The following PARP8 variants were observed in gnomAD, a reference collection of about 807,000 sequenced individuals.
PARP8 encodes protein mono-ADP-ribosyltransferase PARP8.
In PARP8, 51 loss-of-function variants were observed where a neutral mutation model predicts 124.1. The observed-to-expected ratio is 0.41, with a 90% CI of 0.33 to 0.52. The LOEUF (loss-of-function observed/expected upper bound fraction) is 0.52. PARP8 is among the 20% of genes least tolerant of loss of function. PARP8 has a pLI of 0.21. For missense variants in PARP8, 860 were observed against 1,018.9 expected (o/e 0.84, Z 2.12); for synonymous variants, 391 against 361.5 (o/e 1.08, Z -0.93).
chr5:50,788,606 G>A lies in PARP8; in HGVS notation c.737+17G>A, dbSNP rs1477488871. 2 of 1,598,082 alleles carry A rather than the reference G, an allele frequency of 1.3e-6. No individual in the cohort carries two copies. Among genetic ancestry groups the A allele is most frequent in the East Asian group, 2.2e-5 (1 of 44,658 alleles). The stretch of plus-strand genomic sequence containing the variant: ...GCTGAAAAAGTAAGTTTGCTAAAGT[G>A]CAAAAAATAAATTTCTGCTAAAGAG... On this transcript the variant is annotated intron_variant, in intron 10 of 25. Transcript: ENST00000281631.
At chr5:50,776,322 C>A (rs1191255881) in intron 7 of PARP8, among the ~76,000 whole-genome samples, 2 of 152,210 alleles carry the variant, frequency 1.3e-5, no homozygotes, top group East Asian at 1.9e-4. Context: ...GCATCTGGTT[C>A]ATCAGGAATA....
chr5:50,688,767 A>G (rs1302929995), intron 2 of PARP8, among the ~76,000 whole-genome samples: 3 of 152,204 alleles, frequency 2.0e-5, no homozygotes, highest in Admixed American at 6.5e-5. Context: ...TTCTTTACTG[A>G]AAGAAAACCT....
Position 50,778,046 on chromosome 5 carries a change from A to C in PARP8, c.519-23A>C, listed in dbSNP as rs771245671. On this transcript the variant is annotated intron_variant, in intron 7 of 25. Transcript: ENST00000281631. ...TTTAAGCATCATTAAAATGAAAAAA[A>C]CAGTGTTAATTTTTGCTTTCAGGGA... The C allele has an allele frequency of 1.9e-6, 3 of 1,572,800 alleles. No individual in the cohort carries two copies. In the African/African-American group the frequency reaches 4.1e-5, roughly 21 times the overall value.
intron 9 of PARP8, among the ~76,000 whole-genome samples, chr5:50,783,987 T>C (rs1006221548): frequency 6.6e-6 from 1 of 152,214 alleles, no homozygotes; most frequent in Non-Finnish European, 1.5e-5. Context: ...TTACAAAAAG[T>C]TGATATTTTA....
intron 2 of PARP8, among the ~76,000 whole-genome samples, chr5:50,676,584 A>G (rs1750665572): frequency 6.6e-6 from 1 of 152,240 alleles, no homozygotes; most frequent in African/African-American, 2.4e-5. Flanking sequence ...AGTACTCATT[A>G]TGTCCTCTTA....
At position 50,809,668 on chromosome 5, in the gene PARP8, G is replaced by T. The variant is rs571489199; in HGVS notation, c.1576-5764G>T. On this transcript the variant is annotated intron_variant, in intron 14 of 25. Coordinates refer to ENST00000281631, the MANE Select transcript of PARP8 (RefSeq NM_024615.4). ...CCCATTTTATAGATAGGAAAAATGA[G>T]CTGTACACATGTGCTCCAACAGGAA... Among the ~76,000 whole-genome samples, 268 of 152,056 alleles carry T rather than the reference G, an allele frequency of 1.8e-3. 2 individuals carry two copies. Among genetic ancestry groups the T allele is most frequent in the African/African-American group, 6.2e-3 (259 of 41,526 alleles).
chr5:50,757,203 A>G (rs1561336714), intron 3 of PARP8: 1 of 455,714 alleles, frequency 2.2e-6, no homozygotes, highest in East Asian at 6.9e-5. Flanking sequence ...TCTCAAAAGG[A>G]TTGCTGAAAT....
At chr5:50,830,033 AC>A in intron 22 of PARP8, 72 bp downstream of exon 22, 1 of 1,504,734 alleles carries the variant, frequency 6.6e-7, no homozygotes, top group East Asian at 2.3e-5. Flanking sequence ...TACTCTATTC[AC>A]AGCTTTCTAT....
At chr5:50,813,781 C>T (rs932664300) in intron 14 of PARP8, among the ~76,000 whole-genome samples, 4 of 151,892 alleles carry the variant, frequency 2.6e-5, no homozygotes, top group Admixed American at 6.6e-5. Flanking sequence ...ACTGAAAAAG[C>T]AATGTCTATT....
intron 2 of PARP8, among the ~76,000 whole-genome samples, chr5:50,696,319 G>A (rs960698605): frequency 6.6e-6 from 1 of 152,162 alleles, no homozygotes; most frequent in Non-Finnish European, 1.5e-5. Context: ...GCTAAGATTA[G>A]TGTAAACTTG....
intron 15 of PARP8, among the ~76,000 whole-genome samples, chr5:50,819,566 G>A (rs554782963): frequency 1.1e-3 from 167 of 146,784 alleles, no homozygotes; most frequent in Middle Eastern, 3.7e-3. Context: ...TCAGCCACCC[G>A]AGTAGCTGGC....
chr5:50,713,286 G>C (rs1207210262), intron 2 of PARP8, among the ~76,000 whole-genome samples: 2 of 151,850 alleles, frequency 1.3e-5, no homozygotes, highest in Non-Finnish European at 2.9e-5. Flanking sequence ...TATTGCCCAG[G>C]CTGGAGTGCA....
Position 50,841,978 on chromosome 5 carries a change from C to T in PARP8, c.2475C>T (p.Gly825=), listed in dbSNP as rs1477681239. 1 of 1,593,384 alleles carries T rather than the reference C, an allele frequency of 6.3e-7. No individual in the cohort carries two copies. The part of the protein sequence containing the change: ...CTRFFFVYED[G]QVGDANINTQ... ...TTTTGTATTTCAGCTATGAAGACGG[C>T]CAAGTGGGAGATGCAAATATTAATA... The change falls in exon 26 of 26, where the codon GGC becomes GGT. Residue 825 remains glycine (G), a synonymous_variant. Coordinates refer to ENST00000281631, the MANE Select transcript of PARP8 (RefSeq NM_024615.4).
chr5:50,796,831 T>G (rs1742607322), intron 12 of PARP8, 151 bp from the exon 13 acceptor site: 2 of 671,870 alleles, frequency 3.0e-6, no homozygotes, highest in Non-Finnish European at 2.4e-6. Context: ...AATAAAAAAG[T>G]TTTTAATTTT....
chr5:50,725,013 G>T (rs1756275997), intron 2 of PARP8, among the ~76,000 whole-genome samples: 1 of 151,616 alleles, frequency 6.6e-6, no homozygotes, highest in African/African-American at 2.4e-5. Flanking sequence ...CATTTATGTT[G>T]CTGTAGAACA....
intron 12 of PARP8, among the ~76,000 whole-genome samples, chr5:50,795,957 G>C (rs1191161325): frequency 6.6e-6 from 1 of 152,148 alleles, no homozygotes; most frequent in Non-Finnish European, 1.5e-5. Flanking sequence ...TTATACTGAA[G>C]TCACTTTATG....
chr5:50,834,200 C>A, intron 24 of PARP8, 152 bp downstream of exon 24: 4 of 580,796 alleles, frequency 6.9e-6, no homozygotes, highest in South Asian at 6.1e-5. Context: ...AAACGGGTAC[C>A]GTAGAGATCA....
intron 15 of PARP8, among the ~76,000 whole-genome samples, chr5:50,819,951 C>A (rs531855348): frequency 2.6e-5 from 4 of 152,166 alleles, no homozygotes; most frequent in East Asian, 3.9e-4. Context: ...TTGCATATAT[C>A]TATATATATG....
rs539923095 is a variant in PARP8 at position 50,790,058 on chromosome 5, C to T, written c.737+1469C>T. On this transcript the variant is annotated intron_variant, in intron 10 of 25. Coordinates refer to ENST00000281631, the MANE Select transcript of PARP8 (RefSeq NM_024615.4). The stretch of plus-strand genomic sequence containing the variant: ...CAAGTTTTTATGACTTAAATTGGGG[C>T]AGTACTACTCAAATGTGAGTTGTGT... Among the ~76,000 whole-genome samples the T allele has an allele frequency of 7.2e-5, 11 of 152,074 alleles. No homozygotes were observed. The East Asian group carries it at 2.1e-3, about 29-fold the overall frequency.
Sources: allele counts gnomAD v4.1 joint callset (sites outside exome capture counted in the v4.1 genomes callset), GRCh38; gene constraint gnomAD v4.1.1; transcripts MANE v1.5; gene names NCBI Gene and HGNC (gene_info 2026-07-23, HGNC 2026-07-21).